The following TMPRSS9 variants were observed in gnomAD, a reference collection of about 807,000 sequenced individuals.
TMPRSS9 encodes transmembrane protease serine 9.
In TMPRSS9, 113 loss-of-function variants were observed where a neutral mutation model predicts 111.4. The ratio of observed to expected loss-of-function variants is 1.01; its 90% CI spans 0.87 to 1.19. The LOEUF (loss-of-function observed/expected upper bound fraction) is 1.19, where lower values mean the gene tolerates loss of function less well. Among genes scored for constraint, TMPRSS9 ranks in the 50% most tolerant of loss-of-function variants. The pLI, the probability that TMPRSS9 is intolerant of heterozygous loss-of-function variation, is 0.00. For missense variants in TMPRSS9, 1,803 were observed against 1,513.1 expected, an observed-to-expected ratio of 1.19 and a Z score of -3.18; for synonymous variants, 805 against 659.1, an observed-to-expected ratio of 1.22 and a Z score of -3.39.
In TMPRSS9 at chr19:2,422,029, C is replaced by CT; in HGVS notation, c.2331dup (p.Pro778SerfsTer54). On this transcript the variant is annotated frameshift_variant, in exon 14 of 18. Transcript: ENST00000648592. LOFTEE classifies it high-confidence loss of function. ...ATGTCCTCCCAGCCCCTTCCCATGT[C>CT]TCCCCCCTCGACCACAAGGATGCTG... The CT allele has an allele frequency of 6.2e-7, 1 of 1,612,946 alleles. No individual in the cohort carries two copies. The highest frequency in any genetic ancestry group is 8.5e-7 in the Non-Finnish European group (1 of 1,179,882).
chr19:2,418,600 C>G (rs1351307803), intron 13 of TMPRSS9, among the ~76,000 whole-genome samples: 2 of 10,852 alleles, frequency 1.8e-4, no homozygotes, highest in African/African-American at 6.7e-4. Context: ...CCCTCCCTCC[C>G]TTTCCTTCCC....
intron 1 of TMPRSS9, among the ~76,000 whole-genome samples, chr19:2,382,735 A>C (rs1050682959): frequency 7.9e-5 from 12 of 151,832 alleles, no homozygotes; most frequent in Admixed American, 7.2e-4. Flanking sequence ...ATACATACGC[A>C]CAAACGCACA....
intron 1 of TMPRSS9, among the ~76,000 whole-genome samples, chr19:2,376,457 ATTTCT>A (rs1970335178): frequency 6.7e-6 from 1 of 148,210 alleles, no homozygotes; most frequent in South Asian, 2.1e-4. Flanking sequence ...CTGAGATGTC[ATTTCT>A]TTTTTTTTTC....
intron 1 of TMPRSS9, among the ~76,000 whole-genome samples, chr19:2,393,212 A>C (rs1473727573): frequency 6.6e-6 from 1 of 152,122 alleles, no homozygotes; most frequent in East Asian, 1.9e-4. Context: ...TCTGCGAGAA[A>C]TCTTGCTGCT....
chr19:2,398,789 T>C lies in TMPRSS9; in HGVS notation c.271-6T>C. 6.9e-7 allele frequency: 1 copy of C among 1,441,646 alleles called. No individual in the cohort carries two copies. The highest frequency in any genetic ancestry group is 9.2e-7 in the Non-Finnish European group (1 of 1,087,534). The allele number at this position is 1,441,646 out of a possible 1,614,324, so 89.3% of individuals were successfully genotyped here. On this transcript the variant is annotated splice_region_variant and splice_polypyrimidine_tract_variant and intron_variant, in intron 2 of 17. Coordinates refer to ENST00000648592, the Ensembl canonical transcript of TMPRSS9. ...TCAACATTTGATATTCTTGTTTCTA[T>C]TGCAGTTTGTAAGTAGTTTTCAGAA...
chr19:2,415,672 T>C (rs763080233), exon 11 of TMPRSS9: 3 of 1,588,218 alleles, frequency 1.9e-6, no homozygotes, highest in Non-Finnish European at 2.6e-6. Flanking sequence ...CCTTCCAGAA[T>C]GTGGGGCCAG....
chr19:2,421,874 G>A, exon 14 of TMPRSS9: 1 of 1,608,396 alleles, frequency 6.2e-7, no homozygotes, highest in Non-Finnish European at 8.5e-7. Context: ...GGGGCCCCCT[G>A]GCCTGCGAGG....
At chr19:2,381,173 A>C (rs118019163) in intron 1 of TMPRSS9, among the ~76,000 whole-genome samples, 1 of 151,998 alleles carries the variant, frequency 6.6e-6, no homozygotes, top group African/African-American at 2.4e-5. Context: ...CCCATCGTAA[A>C]GGTTGGCTGG....
At chr19:2,383,116 G>A (rs1334574425) in intron 1 of TMPRSS9, among the ~76,000 whole-genome samples, 1 of 152,152 alleles carries the variant, frequency 6.6e-6, no homozygotes, top group Non-Finnish European at 1.5e-5. Flanking sequence ...CACTTTGGGA[G>A]GCCGAGGCAG....
upstream of TMPRSS9, among the ~76,000 whole-genome samples, chr19:2,385,269 C>T (rs1341798092): frequency 1.3e-5 from 2 of 151,702 alleles, no homozygotes; most frequent in Non-Finnish European, 2.9e-5. Flanking sequence ...GATCCCAGTG[C>T]TCCCGGTGGA....
At chr19:2,414,723 T>G (rs1409873099) in intron 10 of TMPRSS9, among the ~76,000 whole-genome samples, 2 of 150,764 alleles carry the variant, frequency 1.3e-5, no homozygotes, top group Middle Eastern at 3.4e-3. Flanking sequence ...AAAAATTAGC[T>G]GGGCATGGTG....
intron 10 of TMPRSS9, among the ~76,000 whole-genome samples, chr19:2,414,939 C>CTTTTTTTTTTTTTTTTTTTTTTTTTT (rs1474701467): frequency 1.4e-5 from 2 of 141,456 alleles, no homozygotes; most frequent in Non-Finnish European, 3.0e-5. Context: ...AGTTGCATTC[C>CTTTTTTTTTTTTTTTTTTTTTTTTTT]TATTTTTTTT....
At chr19:2,403,249 G>T in intron 6 of TMPRSS9, 54 bp downstream of exon 7, 1 of 1,440,920 alleles carries the variant, frequency 6.9e-7, no homozygotes. Flanking sequence ...TCCAGGGTCA[G>T]CTGCTGGCTC....
At chr19:2,360,296 G>A (rs1302099937) in exon 1 of TMPRSS9, among the ~76,000 whole-genome samples, 3 of 152,186 alleles carry the variant, frequency 2.0e-5, no homozygotes, top group Non-Finnish European at 4.4e-5. Context: ...TCCGGAGCGC[G>A]GTGAGTCGGG....
chr19:2,413,231 G>A (rs1051865897), intron 9 of TMPRSS9, among the ~76,000 whole-genome samples: 1 of 151,982 alleles, frequency 6.6e-6, no homozygotes, highest in Non-Finnish European at 1.5e-5. Context: ...TACACAGAAC[G>A]TAAGGGTCAG....
chr19:2,401,462 C>T (rs1030394331), intron 4 of TMPRSS9, among the ~76,000 whole-genome samples: 5 of 152,066 alleles, frequency 3.3e-5, no homozygotes, highest in African/African-American at 1.2e-4. Context: ...GTGAGTGCTC[C>T]CCGTGGGGCA....
At chr19:2,394,224 A>G (rs1970660996) in intron 1 of TMPRSS9, among the ~76,000 whole-genome samples, 1 of 144,570 alleles carries the variant, frequency 6.9e-6, no homozygotes, top group Non-Finnish European at 1.5e-5. Context: ...GGAAAGAGAA[A>G]GCTAGCCAGC....
intron 9 of TMPRSS9, among the ~76,000 whole-genome samples, 157 bp downstream of exon 10, chr19:2,410,551 G>A (rs534534415): frequency 5.3e-5 from 8 of 152,152 alleles, no homozygotes; most frequent in South Asian, 4.1e-4. Flanking sequence ...AATGCTGGGC[G>A]ATTCACAGAT....
chr19:2,423,033 GGTGACACAGCCTGT>G (rs1971501186), intron 14 of TMPRSS9, among the ~76,000 whole-genome samples: 2 of 151,690 alleles, frequency 1.3e-5, no homozygotes, highest in South Asian at 4.2e-4. Flanking sequence ...CTCCAGCCTG[GGTGACACAGCCTGT>G]CTCTAAAAAA....
Sources: allele counts gnomAD v4.1 joint callset (sites outside exome capture counted in the v4.1 genomes callset), GRCh38; gene constraint gnomAD v4.1.1; transcripts MANE v1.5; gene names NCBI Gene and HGNC (gene_info 2026-07-23, HGNC 2026-07-21).